The following ARHGEF7 variants were observed in gnomAD, a reference collection of about 807,000 sequenced individuals.
The protein encoded by ARHGEF7 is Rho guanine nucleotide exchange factor 7.
ARHGEF7 carries 33 observed loss-of-function variants against 109.8 expected under a neutral mutation model. The ratio of observed to expected loss-of-function variants is 0.30; its 90% CI spans 0.23 to 0.40. ARHGEF7 has a LOEUF of 0.40. ARHGEF7 is among the 10% of genes least tolerant of loss of function. The probability of loss-of-function intolerance (pLI) is 1.00; values close to 1 mark genes in which losing one functional copy is unlikely to be tolerated. For synonymous variants in ARHGEF7, 458 were observed against 424.6 expected (o/e 1.08, Z -0.97); for missense variants, 938 against 1,098.5 (o/e 0.85, Z 2.07).
chr13:111,188,294 G>GCC (rs1307792370), intron 2 of ARHGEF7, among the ~76,000 whole-genome samples: 1 of 152,200 alleles, frequency 6.6e-6, no homozygotes, highest in Non-Finnish European at 1.5e-5. Flanking sequence ...GAGACCCAGA[G>GCC]CCACATTCAC....
intron 2 of ARHGEF7, among the ~76,000 whole-genome samples, chr13:111,180,345 AATTTTATCC>A (rs971520895): frequency 1.3e-5 from 2 of 152,214 alleles, no homozygotes; most frequent in African/African-American, 4.8e-5. Context: ...CCATGAACTG[AATTTTATCC>A]ATGTGAGCTT....
At chr13:111,153,708 A>C in intron 1 of ARHGEF7, 197 bp from the exon 2 acceptor site, 1 of 1,317,050 alleles carries the variant, frequency 7.6e-7, no homozygotes, top group Non-Finnish European at 9.6e-7. Context: ...GCAGCCCCGG[A>C]GGAAGAAAAA....
chr13:111,199,848 C>G (rs1449691847), intron 2 of ARHGEF7, among the ~76,000 whole-genome samples: 2 of 152,160 alleles, frequency 1.3e-5, no homozygotes, highest in Admixed American at 6.5e-5. Context: ...AGAGACTGGA[C>G]AGCAGTGGGG....
chr13:111,131,272 G>A lies in ARHGEF7; in HGVS notation c.165+15581G>A, dbSNP rs374903365. Among the ~76,000 whole-genome samples, 12 of 152,096 alleles carry A rather than the reference G, an allele frequency of 7.9e-5. No homozygotes were observed. The highest frequency in any genetic ancestry group is 2.2e-4 in the African/African-American group (9 of 41,488). ...AGGGAGCCCAGGAGGGTGCGGCGGC[G>A]GGCAGACAGGGGGACAGTGATTTGG... On this transcript the variant is annotated intron_variant, in intron 1 of 21. Coordinates refer to ENST00000646102, the MANE Select transcript of ARHGEF7 (RefSeq NM_001354046.2). The surrounding 1 kb of genome is among the most constrained non-coding windows in gnomAD (Gnocchi z 4.4).
Position 111,222,643 on chromosome 13 carries a change from G to C in ARHGEF7, c.670+4763G>C, listed in dbSNP as rs2084610999. Among the ~76,000 whole-genome samples, 3 of 152,264 alleles carry C rather than the reference G, an allele frequency of 2.0e-5. No individual in the cohort carries two copies. In the South Asian group the frequency reaches 6.2e-4, roughly 32 times the overall value. On this transcript the variant is annotated intron_variant, in intron 5 of 21. Transcript: ENST00000646102. ...TAGGGTTTTACCATGTTGGCAGGCT[G>C]GTCTTGAACTTCTGACCTCAAGTGA...
At chr13:111,245,879 A>G (rs567443967) in intron 8 of ARHGEF7, among the ~76,000 whole-genome samples, 1 of 152,404 alleles carries the variant, frequency 6.6e-6, no homozygotes, top group South Asian at 2.1e-4. Flanking sequence ...ACGCATTAAA[A>G]TGATGTATAA....
At chr13:111,159,385 C>T (rs1398202796) in intron 2 of ARHGEF7, among the ~76,000 whole-genome samples, 1 of 152,134 alleles carries the variant, frequency 6.6e-6, no homozygotes, top group Non-Finnish European at 1.5e-5. Context: ...ATTTTAGTTT[C>T]TTTGGCTATA....
At chr13:111,300,884 AC>A (rs2093549747) in intron 20 of ARHGEF7, 37 bp downstream of exon 20, 1 of 1,415,742 alleles carries the variant, frequency 7.1e-7, no homozygotes, top group Admixed American at 1.8e-5. Context: ...CAGATGTTTG[AC>A]CTCTGCGGTG....
At chr13:111,139,578 G>A (rs2075252448) in intron 1 of ARHGEF7, among the ~76,000 whole-genome samples, 2 of 150,278 alleles carry the variant, frequency 1.3e-5, no homozygotes, top group Non-Finnish European at 3.0e-5. Flanking sequence ...CCTGCGTGGA[G>A]CACTGGCGGG....
chr13:111,164,686 C>G (rs2076989496), intron 2 of ARHGEF7, among the ~76,000 whole-genome samples: 1 of 152,166 alleles, frequency 6.6e-6, no homozygotes, highest in African/African-American at 2.4e-5. Context: ...ATGGCCTAGG[C>G]CCCATTATGA....
chr13:111,237,736 CAA>C, intron 6 of ARHGEF7, among the ~76,000 whole-genome samples: 1 of 152,230 alleles, frequency 6.6e-6, no homozygotes, highest in Non-Finnish European at 1.5e-5. Context: ...TTTAAAAATA[CAA>C]AAAACATATA....
At chr13:111,159,993 C>T (rs1047368341) in intron 2 of ARHGEF7, among the ~76,000 whole-genome samples, 9 of 152,158 alleles carry the variant, frequency 5.9e-5, no homozygotes, top group African/African-American at 1.9e-4. Context: ...TCAGGTCTTA[C>T]ATTTAAGTCT....
chr13:111,215,041 G>T (rs898217807), intron 4 of ARHGEF7, among the ~76,000 whole-genome samples: 8 of 151,756 alleles, frequency 5.3e-5, no homozygotes, highest in African/African-American at 1.9e-4. Flanking sequence ...CAGTAGGGAC[G>T]GCCACTTTTA....
intron 6 of ARHGEF7, among the ~76,000 whole-genome samples, chr13:111,238,681 A>T (rs377198295): frequency 6.6e-6 from 1 of 151,764 alleles, no homozygotes; most frequent in South Asian, 2.1e-4. Flanking sequence ...TGGGGATCAA[A>T]GGAAGGGGTT....
chr13:111,115,550 T>TA lies in ARHGEF7; in HGVS notation c.25dup (p.Thr9AsnfsTer79). ...CGATGAATTCCGCCGAGCAAACCGT[T>TA]ACGTGGCTCATCACTCTGGGGGTGC... On this transcript the variant is annotated frameshift_variant, in exon 1 of 22. Transcript: ENST00000646102. LOFTEE classifies it high-confidence loss of function. The TA allele has an allele frequency of 7.1e-7, 1 of 1,400,786 alleles. No homozygotes were observed. The highest frequency in any genetic ancestry group is 9.5e-7 in the Non-Finnish European group (1 of 1,057,846). 86.8% of individuals were successfully genotyped at this position (1,400,786 alleles called of 1,614,324 possible).
intron 5 of ARHGEF7, among the ~76,000 whole-genome samples, chr13:111,230,886 T>C (rs1047550072): frequency 6.6e-6 from 1 of 152,246 alleles, no homozygotes; most frequent in Non-Finnish European, 1.5e-5. Flanking sequence ...GCCTGTTTTT[T>C]ATTTTTATGT....
At chr13:111,250,329 G>T (rs2089577170) in intron 8 of ARHGEF7, among the ~76,000 whole-genome samples, 1 of 152,188 alleles carries the variant, frequency 6.6e-6, no homozygotes, top group South Asian at 2.1e-4. Context: ...TTCGGCGCTT[G>T]TGCACACGCT....
chr13:111,272,268 A>G lies in ARHGEF7; in HGVS notation c.1074-1546A>G, dbSNP rs772457516. ...TAGGTTGAACTCTCTGAAACTGTTAATGTTCACTATTTGTGGACTCAGTTT... is the reference window on the plus strand; with the variant it reads ...TAGGTTGAACTCTCTGAAACTGTTAGTGTTCACTATTTGTGGACTCAGTTT... On this transcript the variant is annotated intron_variant, in intron 9 of 21. Transcript: ENST00000646102. This position sits in a 1 kb window ranked among gnomAD's most constrained non-coding sequence, Gnocchi z 5.2. Among the ~76,000 whole-genome samples the G allele has an allele frequency of 2.0e-4, 31 of 152,196 alleles. No homozygotes were observed. Among genetic ancestry groups the G allele is most frequent in the Non-Finnish European group, 4.0e-4 (27 of 68,024 alleles).
chr13:111,280,414 CA>C (rs1657134885), intron 14 of ARHGEF7, 64 bp downstream of exon 14: 1 of 1,585,638 alleles, frequency 6.3e-7, no homozygotes, highest in African/African-American at 1.4e-5. Context: ...TCCCCGCGTG[CA>C]GATTCTTGCT....
Sources: allele counts gnomAD v4.1 joint callset (sites outside exome capture counted in the v4.1 genomes callset), GRCh38; gene constraint gnomAD v4.1.1; non-coding constraint Gnocchi (gnomAD v3.1); transcripts MANE v1.5; gene names NCBI Gene and HGNC (gene_info 2026-07-23, HGNC 2026-07-21).